Variants in ABLIM1 observed in about 807,000 individuals in gnomAD.
The protein encoded by ABLIM1 is actin binding LIM protein 1.
ABLIM1 carries 40 observed loss-of-function variants against 107.0 expected under a neutral mutation model. The observed-to-expected ratio is 0.37, with a 90% CI of 0.29 to 0.49. The LOEUF is 0.49. Ranked by LOEUF, ABLIM1 falls within the 20% of genes least tolerant of loss-of-function variation. ABLIM1 has a pLI of 0.97. For missense variants in ABLIM1, 857 were observed against 1,008.5 expected, an observed-to-expected ratio of 0.85 and a Z score of 2.04; for synonymous variants, 357 against 357.3, an observed-to-expected ratio of 1.00 and a Z score of 0.01.
chr10:114,633,222 G>C (rs2078291769), intron 1 of ABLIM1, among the ~76,000 whole-genome samples: 1 of 152,152 alleles, frequency 6.6e-6, no homozygotes, highest in African/African-American at 2.4e-5. Context: ...GAGAGCCAGG[G>C]GAACCGAAAG....
intron 1 of ABLIM1, among the ~76,000 whole-genome samples, chr10:114,701,187 A>G (rs73371876): frequency 0.017 from 2,647 of 152,308 alleles, 68 homozygotes; most frequent in African/African-American, 0.061. Context: ...CACATTAAAA[A>G]GTTCTCAAAT....
intron 2 of ABLIM1, among the ~76,000 whole-genome samples, chr10:114,589,697 C>G (rs1591438606): frequency 6.6e-6 from 1 of 152,156 alleles, no homozygotes; most frequent in African/African-American, 2.4e-5. Flanking sequence ...TGTGTGCCAC[C>G]ATGCCTGGCT....
At chr10:114,644,585 T>C (rs1026567017) in intron 1 of ABLIM1, among the ~76,000 whole-genome samples, 2 of 152,116 alleles carry the variant, frequency 1.3e-5, no homozygotes, top group Middle Eastern at 3.4e-3. Context: ...CTGAGCCGTA[T>C]GACTCCTCCC....
rs1218305355 is a variant in ABLIM1 at position 114,717,336 on chromosome 10, A to AAGACTATCAC, written c.-213+50724_-213+50725insGTGATAGTCT. ...GGTCATTCCTGTCTATCACCCAAAT[A>AAGACTATCAC]CAAAAACAATAAGACTGAAATCATG... On this transcript the variant is annotated intron_variant, in intron 1 of 15. Coordinates refer to the ABLIM1 transcript ENST00000651092. Among the ~76,000 whole-genome samples the AAGACTATCAC allele has an allele frequency of 9.2e-5, 14 of 152,314 alleles. No individual in the cohort carries two copies. The South Asian group carries it at 1.7e-3, about 18-fold the overall frequency.
intron 1 of ABLIM1, among the ~76,000 whole-genome samples, chr10:114,680,156 TAATTGCC>T (rs2080682217): frequency 2.0e-5 from 1 of 49,458 alleles, no homozygotes; most frequent in Non-Finnish European, 7.5e-5. Context: ...GATGGAACTC[TAATTGCC>T]AATTATATAA....
the ABLIM1 span, among the ~76,000 whole-genome samples, chr10:114,790,420 T>C: frequency 6.6e-6 from 1 of 152,052 alleles, no homozygotes; most frequent in African/African-American, 2.4e-5. Flanking sequence ...CCTGTTTACT[T>C]TGTGTTCTTG....
intron 1 of ABLIM1, among the ~76,000 whole-genome samples, chr10:114,628,600 T>C (rs1269787129): frequency 6.6e-6 from 1 of 152,180 alleles, no homozygotes; most frequent in African/African-American, 2.4e-5. Context: ...CATCCAACAA[T>C]GTCAGAAAAC....
At chr10:114,614,980 G>T (rs576823275) in intron 1 of ABLIM1, among the ~76,000 whole-genome samples, 1 of 151,176 alleles carries the variant, frequency 6.6e-6, no homozygotes, top group African/African-American at 2.4e-5. Context: ...AACCTGGGGG[G>T]CAGAGATTGC....
rs2058880164 is a variant in ABLIM1, at chr10:114,431,745, TAAC to T, written c.*4512_*4514del. ...CACTTTTGGGAATAATTTTATTGAA[TAAC>T]AACCACCACTCAATTACACTAAGCT... On this transcript the variant is annotated 3_prime_UTR_variant, in exon 23 of 23. Coordinates refer to ENST00000533213, the MANE Select transcript of ABLIM1 (RefSeq NM_002313.7). 1 of 152,238 alleles carries T rather than the reference TAAC, an allele frequency of 6.6e-6. No homozygotes were observed. Among genetic ancestry groups the T allele is most frequent in the Non-Finnish European group, 1.5e-5 (1 of 68,042 alleles). 9.4% of individuals were successfully genotyped at this position (152,238 alleles called of 1,614,324 possible).
intron 3 of ABLIM1, among the ~76,000 whole-genome samples, chr10:114,574,966 T>C (rs1406742535): frequency 6.6e-6 from 1 of 152,184 alleles, no homozygotes; most frequent in African/African-American, 2.4e-5. Context: ...TGTGTTCCAA[T>C]AGAACTTTAT....
chr10:114,617,113 G>A (rs1236934899), intron 1 of ABLIM1, among the ~76,000 whole-genome samples: 1 of 152,166 alleles, frequency 6.6e-6, no homozygotes, highest in African/African-American at 2.4e-5. Flanking sequence ...GCAACTGAAG[G>A]ACAGCTGTAC....
rs553415425 is a variant in ABLIM1, at chr10:114,727,781, C to T, written c.-213+40280G>A. Among the ~76,000 whole-genome samples the T allele has an allele frequency of 2.0e-5, 3 of 152,220 alleles. 1 individual carries two copies. The highest frequency in any genetic ancestry group is 4.1e-4 in the South Asian group (2 of 4,828). On this transcript the variant is annotated intron_variant, in intron 1 of 15. Transcript: ENST00000651092. ...ACCAGCCTGGGCAACATGGAGAAGC[C>T]CCATCTCTACAAAAAATACAAAAGT...
chr10:114,739,117 C>G, intron 1 of ABLIM1, among the ~76,000 whole-genome samples: 1 of 152,292 alleles, frequency 6.6e-6, no homozygotes, highest in East Asian at 1.9e-4. Context: ...GATTTTAATG[C>G]TTTGAACAGT....
At chr10:114,584,244 C>T (rs1177595917) in intron 2 of ABLIM1, among the ~76,000 whole-genome samples, 4 of 152,176 alleles carry the variant, frequency 2.6e-5, no homozygotes, top group Non-Finnish European at 4.4e-5. Context: ...GGAGCAAACG[C>T]AGGGTACAGA....
intron 1 of ABLIM1, among the ~76,000 whole-genome samples, chr10:114,763,339 T>C (rs542256487): frequency 1.3e-5 from 2 of 152,166 alleles, no homozygotes; most frequent in East Asian, 1.9e-4. Context: ...TATTAATTTA[T>C]AATTTAATAT....
At chr10:114,493,908 T>C (rs1320023667) in intron 6 of ABLIM1, among the ~76,000 whole-genome samples, 1 of 152,214 alleles carries the variant, frequency 6.6e-6, no homozygotes, top group Non-Finnish European at 1.5e-5. Context: ...GCTGCTTCTG[T>C]AAGTTTACGT....
At chr10:114,479,787 T>C (rs1400549787) in intron 8 of ABLIM1, among the ~76,000 whole-genome samples, 1 of 152,244 alleles carries the variant, frequency 6.6e-6, no homozygotes, top group Non-Finnish European at 1.5e-5. Context: ...TTTGGACTTT[T>C]AATCCTAGAT....
chr10:114,632,457 C>T (rs1591672320), intron 1 of ABLIM1: 1 of 984,192 alleles, frequency 1.0e-6, no homozygotes, highest in Non-Finnish European at 1.2e-6. Flanking sequence ...CGGCTTCTTT[C>T]AGGCAAACTG....
At chr10:114,782,459 C>T in the ABLIM1 span, among the ~76,000 whole-genome samples, 12 of 152,188 alleles carry the variant, frequency 7.9e-5, no homozygotes, top group East Asian at 9.6e-4. Context: ...AAAAGCTATA[C>T]GTGAGATGGA....
Sources: gnomAD v4.1 joint callset for allele counts (sites outside exome capture counted in the v4.1 genomes callset) on GRCh38, gnomAD v4.1.1 for gene constraint, MANE v1.5 for transcripts, NCBI Gene and HGNC (gene_info 2026-07-23, HGNC 2026-07-21) for gene names.